Variants in SLC35E2B observed in about 807,000 individuals in gnomAD.
SLC35E2B encodes the protein solute carrier family 35 member E2B.
Under a neutral mutation model 32.4 loss-of-function variants are expected in SLC35E2B, and 18 were observed. The observed-to-expected ratio is 0.56, with a 90% CI of 0.38 to 0.82. The LOEUF is 0.82. Among genes scored for constraint, SLC35E2B ranks in the 40% least tolerant of loss-of-function variants. SLC35E2B has a pLI of 0.00. For missense variants in SLC35E2B, 263 were observed against 469.5 expected (o/e 0.56, Z 4.06); for synonymous variants, 132 against 209.1 (o/e 0.63, Z 3.18).
intron 2 of SLC35E2B, among the ~76,000 whole-genome samples, chr1:1,680,400 T>C (rs1643890447): frequency 6.6e-6 from 1 of 152,156 alleles, no homozygotes; most frequent in Non-Finnish European, 1.5e-5. Flanking sequence ...ACGCGGGTTC[T>C]CTGTCCGATC....
At chr1:1,669,520 G>T in intron 8 of SLC35E2B, 144 bp downstream of exon 8, 1 of 680,852 alleles carries the variant, frequency 1.5e-6, no homozygotes, top group Non-Finnish European at 2.4e-6. Context: ...GTGGCTCCCA[G>T]GGCAACTCAG....
rs535539208 is a variant in SLC35E2B, at chr1:1,674,281, A to G, written c.586+1182T>C. 1.6e-3 allele frequency: 249 copies of G among 154,658 alleles called. 3 individuals carry two copies. The highest frequency in any genetic ancestry group is 1.3e-3 in the Non-Finnish European group (92 of 68,694). The allele number at this position is 154,658 out of a possible 1,614,324, so 9.6% of individuals were successfully genotyped here. A position where few individuals can be genotyped will look rare whatever the true frequency, so the allele number is the denominator to read the frequency against. ...CGTGAAATGGACACAGCAGCTCACAAGGGTTCATTCGGACAAAGCCCAGCA... is the reference window on the plus strand; with the variant it reads ...CGTGAAATGGACACAGCAGCTCACAGGGGTTCATTCGGACAAAGCCCAGCA... On this transcript the variant is annotated intron_variant, in intron 5 of 9. Transcript: ENST00000617444.
chr1:1,668,434 G>C lies in SLC35E2B; in HGVS notation c.873C>G (p.Ser291Arg). 1 of 1,613,590 alleles carries C rather than the reference G, an allele frequency of 6.2e-7. No individual in the cohort carries two copies. The highest frequency in any genetic ancestry group is 1.1e-5 in the South Asian group (1 of 91,010). The change falls in exon 9 of 10, where the codon AGC becomes AGG. Residue 291 changes from serine to arginine, a missense_variant. Ser to Arg is a moderately radical substitution (Grantham distance 110). Transcript: ENST00000617444. ...PVIGRSGKSF[S>R]YNQDVVLLLL... is the part of the protein sequence containing the mutation. The stretch of plus-strand genomic sequence containing the variant: ...GCAGCAGCACCACGTCCTGGTTGTA[G>C]CTGAAGCTCTTCCCACTCCTCCCGA...
Position 1,664,233 on chromosome 1 carries a change from A to G in SLC35E2B, c.*1549T>C. On this transcript the variant is annotated 3_prime_UTR_variant, in exon 10 of 10. Coordinates refer to ENST00000617444, the MANE Select transcript of SLC35E2B (RefSeq NM_001290264.2). ...GGGTTAAAAAGCCTCACTTCGGTCC[A>G]TCATCATGGCAGACTTTTTTGAGTA... The G allele has an allele frequency of 2.5e-6, 2 of 796,114 alleles. No homozygotes were observed. Among genetic ancestry groups the G allele is most frequent in the Non-Finnish European group, 3.1e-6 (2 of 655,112 alleles). 49.3% of individuals were successfully genotyped at this position (796,114 alleles called of 1,614,324 possible).
intron 2 of SLC35E2B, among the ~76,000 whole-genome samples, chr1:1,688,522 C>G (rs977211881): frequency 6.6e-6 from 1 of 151,670 alleles, no homozygotes; most frequent in South Asian, 2.1e-4. Context: ...ATCGCTTGAA[C>G]CCAGGAGGTG....
At chr1:1,684,814 A>AAAAAC in intron 2 of SLC35E2B, among the ~76,000 whole-genome samples, 1 of 147,646 alleles carries the variant, frequency 6.8e-6, no homozygotes, top group Non-Finnish European at 1.5e-5. Flanking sequence ...AAAAAAAAAA[A>AAAAAC]CAGGACAGCC....
At chr1:1,686,639 G>A (rs750368403) in intron 2 of SLC35E2B, among the ~76,000 whole-genome samples, 4 of 151,722 alleles carry the variant, frequency 2.6e-5, no homozygotes, top group East Asian at 1.9e-4. Flanking sequence ...AGTGGCATGC[G>A]CCTGTAATCC....
At chr1:1,686,897 A>C (rs1643957957) in intron 2 of SLC35E2B, among the ~76,000 whole-genome samples, 1 of 152,030 alleles carries the variant, frequency 6.6e-6, no homozygotes, top group Non-Finnish European at 1.5e-5. Flanking sequence ...TCTACTAAAA[A>C]TACAAAAAAT....
In SLC35E2B at chr1:1,670,139, A is replaced by C; in HGVS notation, c.720T>G (p.Val240=). The change falls in exon 7 of 10, where the codon GTT becomes GTG. Residue 240 remains valine, a synonymous_variant. Transcript: ENST00000617444. ...STNIMDCLQN[V]FSKKLLSGDK... ...CCCCGCTGAGCAGCTTTTTTGAAAA[A>C]ACATTTTGCAAACTAGAATAAAGAA... 1 of 1,551,350 alleles carries C rather than the reference A, an allele frequency of 6.4e-7. No homozygotes were observed. The highest frequency in any genetic ancestry group is 1.2e-5 in the South Asian group (1 of 84,012).
intron 8 of SLC35E2B, among the ~76,000 whole-genome samples, chr1:1,668,864 G>A (rs540525606): frequency 2.1e-4 from 32 of 151,942 alleles, no homozygotes; most frequent in African/African-American, 6.8e-4. Flanking sequence ...GGTGGTGGGC[G>A]CCTGTAATCC....
rs1277560465 is a variant in SLC35E2B, at chr1:1,665,345, C to T, written c.*437G>A. On this transcript the variant is annotated 3_prime_UTR_variant, in exon 10 of 10. Coordinates refer to ENST00000617444, the MANE Select transcript of SLC35E2B (RefSeq NM_001290264.2). ...TGCTCTGTGGCCTCATGCCCAGGGCCAGTCTGCCGCCGGTCCAGGGCCTCA... is the reference window on the plus strand; with the variant it reads ...TGCTCTGTGGCCTCATGCCCAGGGCTAGTCTGCCGCCGGTCCAGGGCCTCA... 1 of 406,674 alleles carries T rather than the reference C, an allele frequency of 2.5e-6. No individual in the cohort carries two copies. The highest frequency in any genetic ancestry group is 2.1e-5 in the African/African-American group (1 of 48,722). The allele number at this position is 406,674 out of a possible 1,614,324, so 25.2% of individuals were successfully genotyped here. A position where few individuals can be genotyped will look rare whatever the true frequency, so the allele number is the denominator to read the frequency against.
intron 2 of SLC35E2B, among the ~76,000 whole-genome samples, chr1:1,683,702 C>A (rs1029886710): frequency 1.3e-5 from 2 of 151,840 alleles, no homozygotes; most frequent in African/African-American, 4.8e-5. Context: ...GGCGACCAGT[C>A]CCCCCTACCC....
At chr1:1,673,978 A>G (rs1477828249) in intron 5 of SLC35E2B, 1 of 156,252 alleles carries the variant, frequency 6.4e-6, no homozygotes, top group African/African-American at 2.4e-5. Context: ...GAAAAAAAAA[A>G]AAAAGAAAAA....
At chr1:1,671,690 G>A in intron 5 of SLC35E2B, 61 bp from the exon 6 acceptor site, 2 of 1,415,112 alleles carry the variant, frequency 1.4e-6, no homozygotes, top group African/African-American at 1.5e-5. Context: ...CCTCCCGAGG[G>A]CCAGGCTGTT....
In SLC35E2B at chr1:1,665,781, C is replaced by T. The variant is rs1455948845; in HGVS notation, c.*1G>A. On this transcript the variant is annotated 3_prime_UTR_variant, in exon 10 of 10. Coordinates refer to ENST00000617444, the MANE Select transcript of SLC35E2B (RefSeq NM_001290264.2). ...CAGCAGCAGCTGGCAGCTTCCTGCT[C>T]TCAGGGATGCTGCCTGGGGTCCTGT... 1.3e-5 allele frequency: 20 copies of T among 1,549,812 alleles called. No individual in the cohort carries two copies. The highest frequency in any genetic ancestry group is 1.7e-5 in the Non-Finnish European group (20 of 1,146,422).
intron 5 of SLC35E2B, chr1:1,672,475 C>T (rs1557755299): frequency 6.6e-6 from 1 of 152,224 alleles, no homozygotes; most frequent in African/African-American, 2.4e-5. Context: ...GGCGTCCTCT[C>T]GTCTGCCGTC....
intron 7 of SLC35E2B, 152 bp downstream of exon 7, chr1:1,669,946 G>A (rs897667576): frequency 7.0e-6 from 6 of 854,600 alleles, no homozygotes; most frequent in Admixed American, 6.5e-5. Context: ...AGAAACGGGC[G>A]GGTCCCTCCC....
At chr1:1,666,494 G>C (rs1483143732) in intron 9 of SLC35E2B, among the ~76,000 whole-genome samples, 1 of 152,166 alleles carries the variant, frequency 6.6e-6, no homozygotes, top group African/African-American at 2.4e-5. Flanking sequence ...CCACAGAGCT[G>C]GGATCATAGG....
At chr1:1,684,803 A>AAAC (rs1643931964) in intron 2 of SLC35E2B, among the ~76,000 whole-genome samples, 2 of 147,604 alleles carry the variant, frequency 1.4e-5, no homozygotes, top group African/African-American at 2.5e-5. Context: ...AAAAAAAAAA[A>AAAC]AAAAAAAAAA....
Sources: gnomAD v4.1 joint callset for allele counts (sites outside exome capture counted in the v4.1 genomes callset) on GRCh38, gnomAD v4.1.1 for gene constraint, MANE v1.5 for transcripts, NCBI Gene and HGNC (gene_info 2026-07-23, HGNC 2026-07-21) for gene names.